RIMS1: variants seen among roughly 807,000 people sequenced by gnomAD.
RIMS1 encodes regulating synaptic membrane exocytosis protein 1.
Under a neutral mutation model 214.1 loss-of-function variants are expected in RIMS1, and 83 were observed. The ratio of observed to expected loss-of-function variants is 0.39; its 90% CI spans 0.32 to 0.47. The LOEUF (loss-of-function observed/expected upper bound fraction) is 0.47. Ranked by LOEUF, RIMS1 falls within the 20% of genes least tolerant of loss-of-function variation. The probability of loss-of-function intolerance (pLI) is 0.99; values close to 1 mark genes in which losing one functional copy is unlikely to be tolerated. For synonymous variants in RIMS1, 793 were observed against 786.8 expected (o/e 1.01, Z -0.13); for missense variants, 2,050 against 2,161.8 (o/e 0.95, Z 1.03).
At chr6:72,230,510 G>A (rs749145907) in intron 6 of RIMS1, among the ~76,000 whole-genome samples, 11 of 151,542 alleles carry the variant, frequency 7.3e-5, no homozygotes, top group Non-Finnish European at 1.0e-4. Context: ...ATGCTCAATC[G>A]TGCCTGTATA....
intron 6 of RIMS1, among the ~76,000 whole-genome samples, chr6:72,216,006 AAAAC>A (rs1490869295): frequency 1.3e-5 from 2 of 152,224 alleles, no homozygotes; most frequent in Non-Finnish European, 2.9e-5. Flanking sequence ...TTCATTTTCT[AAAAC>A]AAAGTAGAAG....
At chr6:72,170,103 G>A (rs1365358817) in intron 4 of RIMS1, among the ~76,000 whole-genome samples, 1 of 152,138 alleles carries the variant, frequency 6.6e-6, no homozygotes, top group Admixed American at 6.5e-5. Context: ...GAAACCACCA[G>A]GTATAAGCTC....
Position 72,400,633 on chromosome 6 carries a change from T to C in RIMS1, c.4998T>C (p.Asp1666=), listed in dbSNP as rs768317958. ...YKLFPPSSLV[D]PTLTPLTRRA... ...TGTTCCCACCGTCCTCACTGGTGGA[T>C]CCCACACTCACTCCCCTCACCCGGC... The change falls in exon 34 of 34, where the codon GAT becomes GAC. Residue 1666 remains aspartate (D), a synonymous_variant. Transcript: ENST00000521978. 1.8e-5 allele frequency: 29 copies of C among 1,613,830 alleles called. No individual in the cohort carries two copies. The highest frequency in any genetic ancestry group is 2.5e-5 in the Non-Finnish European group (29 of 1,179,812).
intron 1 of RIMS1, among the ~76,000 whole-genome samples, chr6:71,963,013 G>A (rs549923465): frequency 6.6e-6 from 1 of 152,194 alleles, no homozygotes; most frequent in South Asian, 2.1e-4. Context: ...CGTGAATATG[G>A]TCTGGTAATA....
rs917199341 is a variant in RIMS1 at position 72,402,343 on chromosome 6, A to G, written c.*1629A>G. 6.6e-6 allele frequency: 1 copy of G among 152,612 alleles called. No individual in the cohort carries two copies. The highest frequency in any genetic ancestry group is 1.5e-5 in the Non-Finnish European group (1 of 68,028). 9.5% of individuals were successfully genotyped at this position (152,612 alleles called of 1,614,324 possible). A position where few individuals can be genotyped will look rare whatever the true frequency, so the allele number is the denominator to read the frequency against. On this transcript the variant is annotated 3_prime_UTR_variant, in exon 34 of 34. Transcript: ENST00000521978. ...CATTTTGCAGGTTTTAGCCAGACTC[A>G]GTCTCTGGGTCTGTGGTGAAATGTC...
chr6:72,109,460 G>A (rs1587183198), intron 4 of RIMS1, among the ~76,000 whole-genome samples: 1 of 152,022 alleles, frequency 6.6e-6, no homozygotes. Flanking sequence ...AGTGATGGTG[G>A]GCATTTTTTC....
In RIMS1 at chr6:72,154,711, A is replaced by G. The variant is rs1402203932; in HGVS notation, c.472-24864A>G. Among the ~76,000 whole-genome samples the G allele has an allele frequency of 2.1e-5, 3 of 140,986 alleles. 1 individual carries two copies. Among genetic ancestry groups the G allele is most frequent in the South Asian group, 2.3e-4 (1 of 4,270 alleles). The allele number at this position is 140,986 out of a possible 152,430, so 92.5% of individuals were successfully genotyped here. A position where few individuals can be genotyped will look rare whatever the true frequency, so the allele number is the denominator to read the frequency against. On this transcript the variant is annotated intron_variant, in intron 4 of 33. Coordinates refer to ENST00000521978, the MANE Select transcript of RIMS1 (RefSeq NM_014989.7). ...TAAGAATAGAAACATCAAAGAGGAT[A>G]AAAAGAACAGTTTCACTTCTTGTAT...
intron 4 of RIMS1, among the ~76,000 whole-genome samples, chr6:72,108,920 A>T (rs931330280): frequency 6.6e-5 from 9 of 135,714 alleles, no homozygotes; most frequent in African/African-American, 2.5e-4. Flanking sequence ...CTCATTGTTC[A>T]GTTCCTACCT....
intron 28 of RIMS1, among the ~76,000 whole-genome samples, chr6:72,321,543 C>T (rs932752352): frequency 6.6e-6 from 1 of 152,010 alleles, no homozygotes; most frequent in African/African-American, 2.4e-5. Context: ...ATGCTTTTTA[C>T]ACCATTATCC....
At chr6:72,280,179 T>C (rs2089346118) in intron 23 of RIMS1, among the ~76,000 whole-genome samples, 1 of 151,976 alleles carries the variant, frequency 6.6e-6, no homozygotes, top group South Asian at 2.1e-4. Context: ...ATTCAACAAA[T>C]AATTATTGAG....
intron 6 of RIMS1, among the ~76,000 whole-genome samples, chr6:72,232,077 A>G (rs937257844): frequency 1.3e-4 from 19 of 151,606 alleles, no homozygotes; most frequent in Non-Finnish European, 2.1e-4. Context: ...TAAACTTCAA[A>G]GACTTTTTAA....
chr6:72,107,974 G>A (rs1276798769), intron 4 of RIMS1, among the ~76,000 whole-genome samples: 2 of 151,902 alleles, frequency 1.3e-5, no homozygotes, highest in Non-Finnish European at 2.9e-5. Context: ...GTATCAGCCC[G>A]ATTCCATTCT....
At chr6:72,303,255 A>T (rs2094814113) in intron 26 of RIMS1, among the ~76,000 whole-genome samples, 3 of 150,912 alleles carry the variant, frequency 2.0e-5, no homozygotes, top group African/African-American at 7.2e-5. Context: ...AAGATTTATT[A>T]AGGATTTTTG....
chr6:71,977,087 A>G (rs1268761886), intron 2 of RIMS1, among the ~76,000 whole-genome samples: 1 of 152,126 alleles, frequency 6.6e-6, no homozygotes. Flanking sequence ...GGACAACACA[A>G]AAGAATGGAT....
At chr6:71,946,355 GC>G (rs1362584433) in intron 1 of RIMS1, among the ~76,000 whole-genome samples, 14 of 152,086 alleles carry the variant, frequency 9.2e-5, no homozygotes, top group Non-Finnish European at 1.8e-4. Flanking sequence ...CAAAGCTGGG[GC>G]CATCACACTA....
intron 4 of RIMS1, among the ~76,000 whole-genome samples, chr6:72,176,625 C>T (rs186080297): frequency 1.3e-5 from 2 of 151,982 alleles, no homozygotes; most frequent in Admixed American, 1.3e-4. Flanking sequence ...GATGGATTGA[C>T]TACACTTATA....
In RIMS1 at chr6:72,400,624, A is replaced by G; in HGVS notation, c.4989A>G (p.Ser1663=). The change falls in exon 34 of 34, where the codon TCA becomes TCG. Residue 1663 remains serine (S), a synonymous_variant. Transcript: ENST00000521978. ...IGWYKLFPPS[S]LVDPTLTPLT... The stretch of plus-strand genomic sequence containing the variant: ...GGTACAAATTGTTCCCACCGTCCTC[A>G]CTGGTGGATCCCACACTCACTCCCC... 1 of 1,613,772 alleles carries G rather than the reference A, an allele frequency of 6.2e-7. No individual in the cohort carries two copies. Among genetic ancestry groups the G allele is most frequent in the South Asian group, 1.1e-5 (1 of 91,072 alleles).
chr6:72,212,725 G>T, intron 6 of RIMS1: 1 of 735,346 alleles, frequency 1.4e-6, no homozygotes, highest in Non-Finnish European at 1.7e-6. Context: ...ATGGCTAGGA[G>T]CATAGTGTCA....
At chr6:72,252,577 C>T (rs2073909757) in intron 15 of RIMS1, among the ~76,000 whole-genome samples, 184 bp from the exon 16 acceptor site, 2 of 152,202 alleles carry the variant, frequency 1.3e-5, no homozygotes, top group South Asian at 2.1e-4. Context: ...GAAAAAAATA[C>T]TGATAAAATG....
Sources: gnomAD v4.1 joint callset for allele counts (sites outside exome capture counted in the v4.1 genomes callset) on GRCh38, gnomAD v4.1.1 for gene constraint, MANE v1.5 for transcripts, NCBI Gene and HGNC (gene_info 2026-07-23, HGNC 2026-07-21) for gene names.